MAP2K5: variants seen among roughly 807,000 people sequenced by gnomAD.
The protein encoded by MAP2K5 is dual specificity mitogen-activated protein kinase kinase 5.
In MAP2K5, 49 loss-of-function variants were observed where a neutral mutation model predicts 83.1. The observed-to-expected ratio is 0.59, with a 90% CI of 0.47 to 0.75. The LOEUF is 0.75. Ranked by LOEUF, MAP2K5 falls within the 30% of genes least tolerant of loss-of-function variation. The pLI, the probability that MAP2K5 is intolerant of heterozygous loss-of-function variation, is 0.00. For synonymous variants in MAP2K5, 202 were observed against 191.8 expected (o/e 1.05, Z -0.44); for missense variants, 457 against 557.5 (o/e 0.82, Z 1.82).
At chr15:67,550,575 TG>T (rs905771682) in intron 2 of MAP2K5, among the ~76,000 whole-genome samples, 5 of 152,154 alleles carry the variant, frequency 3.3e-5, no homozygotes, top group Admixed American at 2.0e-4. Context: ...ACAGTTGGCC[TG>T]GGGACAGGGC....
Position 67,749,049 on chromosome 15 carries a change from C to A in MAP2K5, c.1134+448C>A, listed in dbSNP as rs992109642. ...AGCATATCAGAGTGATAAAAGGGCT[C>A]AAAAACTCTAGGTCAACAGTTCAGC... On this transcript the variant is annotated intron_variant, in intron 19 of 21. Transcript: ENST00000178640. The surrounding 1 kb of genome is among the most constrained non-coding windows in gnomAD (Gnocchi z 4.6). 1.3e-5 allele frequency among the ~76,000 whole-genome samples: 2 copies of A among 152,178 alleles called. No homozygotes were observed. The highest frequency in any genetic ancestry group is 6.5e-5 in the Admixed American group (1 of 15,276).
intron 13 of MAP2K5, among the ~76,000 whole-genome samples, chr15:67,680,803 A>T (rs562406942): frequency 6.6e-6 from 1 of 152,336 alleles, no homozygotes; most frequent in Non-Finnish European, 1.5e-5. Flanking sequence ...TGAAGGAGTG[A>T]GACAGTATTG....
chr15:67,800,742 G>A (rs1482925754), intron 21 of MAP2K5, among the ~76,000 whole-genome samples: 1 of 152,196 alleles, frequency 6.6e-6, no homozygotes, highest in Non-Finnish European at 1.5e-5. Flanking sequence ...GGGGCTCAGT[G>A]TACCTGGGCT....
intron 7 of MAP2K5, among the ~76,000 whole-genome samples, chr15:67,598,010 G>A (rs1236244950): frequency 6.6e-6 from 1 of 152,020 alleles, no homozygotes; most frequent in Non-Finnish European, 1.5e-5. Flanking sequence ...TTCGAGACCA[G>A]CCCGGATATC....
At chr15:67,590,476 T>TC (rs2085381931) in intron 6 of MAP2K5, among the ~76,000 whole-genome samples, 2 of 142,568 alleles carry the variant, frequency 1.4e-5, no homozygotes, top group African/African-American at 2.6e-5. Flanking sequence ...TCTCTCTCTC[T>TC]TTGTTTCTTT....
intron 16 of MAP2K5, among the ~76,000 whole-genome samples, chr15:67,725,741 G>T (rs2089076740): frequency 6.6e-6 from 1 of 152,192 alleles, no homozygotes; most frequent in Non-Finnish European, 1.5e-5. Flanking sequence ...AGATCACTGT[G>T]ATACCTGTTA....
In MAP2K5 at chr15:67,780,355, TC is replaced by T. The variant is rs2090309025; in HGVS notation, c.1242+7604del. 6.6e-6 allele frequency among the ~76,000 whole-genome samples: 1 copy of T among 152,216 alleles called. No individual in the cohort carries two copies. The highest frequency in any genetic ancestry group is 1.5e-5 in the Non-Finnish European group (1 of 68,046). ...AAACTCACTGGTTTAATACCTTTTTTCTTCCACTAGATTGTAAGTTCCTTGA... is the reference window on the plus strand; with the variant it reads ...AAACTCACTGGTTTAATACCTTTTTTTTCCACTAGATTGTAAGTTCCTTGA... On this transcript the variant is annotated intron_variant, in intron 21 of 21. Coordinates refer to ENST00000178640, the MANE Select transcript of MAP2K5 (RefSeq NM_145160.3). The surrounding 1 kb of genome is among the most constrained non-coding windows in gnomAD (Gnocchi z 5.0).
chr15:67,628,255 G>A (rs2086373504), intron 8 of MAP2K5: 8 of 594,894 alleles, frequency 1.3e-5, no homozygotes, highest in Admixed American at 2.4e-5. Flanking sequence ...GCTGAGGTGG[G>A]CAGATCACGA....
In MAP2K5 at chr15:67,807,087, G is replaced by A. The variant is rs1454657315; in HGVS notation, c.*337G>A. ...GTCAGGCCCGTCAGCATCACTGATGGGAATAAAAGTATTAATGCTTTGTGA... is the reference window on the plus strand; with the variant it reads ...GTCAGGCCCGTCAGCATCACTGATGAGAATAAAAGTATTAATGCTTTGTGA... On this transcript the variant is annotated 3_prime_UTR_variant, in exon 22 of 22. Transcript: ENST00000178640. The surrounding 1 kb of genome is among the most constrained non-coding windows in gnomAD (Gnocchi z 5.1). 12 of 689,702 alleles carry A rather than the reference G, an allele frequency of 1.7e-5. No individual in the cohort carries two copies. Among genetic ancestry groups the A allele is most frequent in the Non-Finnish European group, 2.6e-5 (12 of 466,718 alleles). The allele number at this position is 689,702 out of a possible 1,614,324, so 42.7% of individuals were successfully genotyped here. A position where few individuals can be genotyped will look rare whatever the true frequency, so the allele number is the denominator to read the frequency against.
rs149269993 is a variant in MAP2K5 at position 67,720,784 on chromosome 15, C to G, written c.1045-7132C>G. Among the ~76,000 whole-genome samples, 860 of 152,292 alleles carry G rather than the reference C, an allele frequency of 5.6e-3. No individual in the cohort carries two copies. The highest frequency in any genetic ancestry group is 0.034 in the Middle Eastern group (10 of 294). ...TCAGTGGCTCGAAAGCACATATGCT[C>G]CAGTCACAGCTAAACTTTGCTGGAG... On this transcript the variant is annotated intron_variant, in intron 16 of 21. Coordinates refer to ENST00000178640, the MANE Select transcript of MAP2K5 (RefSeq NM_145160.3). This position sits in a 1 kb window ranked among gnomAD's most constrained non-coding sequence, Gnocchi z 5.7.
intron 3 of MAP2K5, 40 bp from the exon 4 acceptor site, chr15:67,580,714 A>G (rs2085161388): frequency 8.0e-7 from 1 of 1,248,514 alleles, no homozygotes; most frequent in South Asian, 1.2e-5. Context: ...TCCAGTATTC[A>G]TACATTACTG....
At position 67,768,585 on chromosome 15, in the gene MAP2K5, T is replaced by C. The variant is rs951388837; in HGVS notation, c.1135-1017T>C. Among the ~76,000 whole-genome samples, 9 of 152,126 alleles carry C rather than the reference T, an allele frequency of 5.9e-5. No individual in the cohort carries two copies. Among genetic ancestry groups the C allele is most frequent in the African/African-American group, 2.2e-4 (9 of 41,426 alleles). On this transcript the variant is annotated intron_variant, in intron 19 of 21. Transcript: ENST00000178640. This position sits in a 1 kb window ranked among gnomAD's most constrained non-coding sequence, Gnocchi z 4.0. ...TCATTCCTTTGTTAATTTAAATAGG[T>C]GCATGTATCATACTTTGCAGGGCAC... is the stretch of plus-strand genomic sequence containing the variant.
chr15:67,612,490 A>G (rs868737090), intron 8 of MAP2K5, among the ~76,000 whole-genome samples: 1 of 152,192 alleles, frequency 6.6e-6, no homozygotes, highest in Non-Finnish European at 1.5e-5. Context: ...ACCTAGAGGC[A>G]TAGTGTCATG....
rs535481062 is a variant in MAP2K5 at position 67,563,540 on chromosome 15, A to T, written c.252+190A>T. On this transcript the variant is annotated intron_variant, in intron 3 of 21. Coordinates refer to ENST00000178640, the MANE Select transcript of MAP2K5 (RefSeq NM_145160.3). This position sits in a 1 kb window ranked among gnomAD's most constrained non-coding sequence, Gnocchi z 4.5. Reference sequence around the variant, plus strand: ...TATTTTCAAAAGACACTTACTGATCATATCATAAACATTAAGAATAATGCA... The same window carrying T: ...TATTTTCAAAAGACACTTACTGATCTTATCATAAACATTAAGAATAATGCA... 6.6e-6 allele frequency among the ~76,000 whole-genome samples: 1 copy of T among 152,340 alleles called. No individual in the cohort carries two copies. The highest frequency in any genetic ancestry group is 2.1e-4 in the South Asian group (1 of 4,822).
At chr15:67,681,787 AAC>A (rs2141185384) in intron 13 of MAP2K5, among the ~76,000 whole-genome samples, 1 of 152,358 alleles carries the variant, frequency 6.6e-6, no homozygotes, top group Admixed American at 6.5e-5. Context: ...TCCAGGCTTC[AAC>A]ACACCTCATT....
intron 2 of MAP2K5, among the ~76,000 whole-genome samples, chr15:67,553,143 A>T (rs1469142731): frequency 1.3e-5 from 2 of 152,146 alleles, no homozygotes; most frequent in Admixed American, 6.5e-5. Context: ...AGTAATCTTT[A>T]TACTGAGTCT....
chr15:67,644,509 C>G lies in MAP2K5; in HGVS notation c.586-1722C>G. 6.6e-6 allele frequency among the ~76,000 whole-genome samples: 1 copy of G among 152,176 alleles called. No individual in the cohort carries two copies. The highest frequency in any genetic ancestry group is 1.9e-4 in the East Asian group (1 of 5,190). Reference sequence around the variant, plus strand: ...TAAAAAAATATGTGTTTGAAATAAACTAGAATTTATTCTAGATAAGTTTAT... The same window carrying G: ...TAAAAAAATATGTGTTTGAAATAAAGTAGAATTTATTCTAGATAAGTTTAT... On this transcript the variant is annotated intron_variant, in intron 9 of 21. Transcript: ENST00000178640. The surrounding 1 kb of genome is among the most constrained non-coding windows in gnomAD (Gnocchi z 4.6).
At position 67,746,767 on chromosome 15, in the gene MAP2K5, G is replaced by A. The variant is rs2089613600; in HGVS notation, c.1075-1464G>A. Among the ~76,000 whole-genome samples the A allele has an allele frequency of 6.6e-6, 1 of 152,192 alleles. No homozygotes were observed. The highest frequency in any genetic ancestry group is 2.4e-5 in the African/African-American group (1 of 41,444). On this transcript the variant is annotated intron_variant, in intron 17 of 21. Coordinates refer to ENST00000178640, the MANE Select transcript of MAP2K5 (RefSeq NM_145160.3). The surrounding 1 kb of genome is among the most constrained non-coding windows in gnomAD (Gnocchi z 4.1). The stretch of plus-strand genomic sequence containing the variant: ...TGAAAGTAGTGATTGGGGAGGAAGT[G>A]ATGAAAAGCCAATAAGAGCAATGAG...
rs1360895323 is a variant in MAP2K5 at position 67,577,858 on chromosome 15, G to T, written c.253-2896G>T. On this transcript the variant is annotated intron_variant, in intron 3 of 21. Coordinates refer to ENST00000178640, the MANE Select transcript of MAP2K5 (RefSeq NM_145160.3). This position sits in a 1 kb window ranked among gnomAD's most constrained non-coding sequence, Gnocchi z 4.1. ...TCTACTAAAAATACAAAAATTAGCC[G>T]GGCCAGTGGTGGGTGCCTGTAATCC... Among the ~76,000 whole-genome samples, 1 of 151,998 alleles carries T rather than the reference G, an allele frequency of 6.6e-6. No individual in the cohort carries two copies. The highest frequency in any genetic ancestry group is 1.9e-4 in the East Asian group (1 of 5,178).
Sources: allele counts gnomAD v4.1 joint callset (sites outside exome capture counted in the v4.1 genomes callset), GRCh38; gene constraint gnomAD v4.1.1; non-coding constraint Gnocchi (gnomAD v3.1); transcripts MANE v1.5; gene names NCBI Gene and HGNC (gene_info 2026-07-23, HGNC 2026-07-21).